Variants in KAZN observed in about 807,000 individuals in gnomAD.
The protein encoded by KAZN is kazrin.
Under a neutral mutation model 87.4 loss-of-function variants are expected in KAZN, and 40 were observed. That is an observed-to-expected ratio of 0.46 (90% CI 0.36 to 0.60). The LOEUF is 0.60. Ranked by LOEUF, KAZN falls within the 20% of genes least tolerant of loss-of-function variation. The pLI is 0.00. For synonymous variants in KAZN, 466 were observed against 458.3 expected (o/e 1.02, Z -0.22); for missense variants, 898 against 1,073.9 (o/e 0.84, Z 2.29).
At chr1:14,681,916 C>T (rs1640684926) in intron 1 of KAZN, among the ~76,000 whole-genome samples, 3 of 151,678 alleles carry the variant, frequency 2.0e-5, no homozygotes, top group Admixed American at 6.6e-5. Context: ...TGGTCTCGAT[C>T]TCCTGACCTC....
intron 2 of KAZN, among the ~76,000 whole-genome samples, chr1:14,519,523 C>T (rs2148461802): frequency 6.6e-6 from 1 of 152,296 alleles, no homozygotes; most frequent in South Asian, 2.1e-4. Context: ...CCCAGTTTTT[C>T]TTACCCCCAG....
rs187820293 is a variant in KAZN, at chr1:13,929,126, C to T, written c.91+35370C>T. Among the ~76,000 whole-genome samples, 7 of 146,210 alleles carry T rather than the reference C, an allele frequency of 4.8e-5. No homozygotes were observed. In the Admixed American group the frequency reaches 4.9e-4, roughly 10 times the overall value. ...CTGGATTGCAGTGGCAGGATCATAG[C>T]TCACTGCAGCCTCGAAATCCTGGGC... On this transcript the variant is annotated intron_variant, in intron 1 of 16. Transcript: ENST00000636203.
chr1:14,862,345 G>A (rs775769434), intron 1 of KAZN, among the ~76,000 whole-genome samples: 4 of 152,124 alleles, frequency 2.6e-5, no homozygotes, highest in Non-Finnish European at 5.9e-5. Flanking sequence ...GCATGGGGGC[G>A]TTGAATCTGA....
chr1:14,275,871 T>C (rs546438414), intron 2 of KAZN, among the ~76,000 whole-genome samples: 64 of 152,338 alleles, frequency 4.2e-4, no homozygotes, highest in Middle Eastern at 3.4e-3. Flanking sequence ...CAGGGGTAAG[T>C]AAGCAAGCTT....
In KAZN at chr1:15,027,070, C is replaced by CTTTTTTTTTTTTTT. The variant is rs71000358; in HGVS notation, c.419-7663_419-7650dup. On this transcript the variant is annotated intron_variant, in intron 2 of 14. Coordinates refer to ENST00000376030, the MANE Select transcript of KAZN (RefSeq NM_201628.3). The stretch of plus-strand genomic sequence containing the variant: ...TAGGCAGATTCCCAAGCCAGTGCTT[C>CTTTTTTTTTTTTTT]TTTTTTTTTTTTTTTTTTTTTTTTT... Among the ~76,000 whole-genome samples the CTTTTTTTTTTTTTT allele has an allele frequency of 7.8e-4, 44 of 56,120 alleles. 7 individuals carry two copies. Among genetic ancestry groups the CTTTTTTTTTTTTTT allele is most frequent in the Middle Eastern group, 0.02 (1 of 50 alleles). The allele number at this position is 56,120 out of a possible 152,430, so 36.8% of individuals were successfully genotyped here. A position where few individuals can be genotyped will look rare whatever the true frequency, so the allele number is the denominator to read the frequency against.
At chr1:14,439,294 T>C (rs1472573680) in intron 2 of KAZN, among the ~76,000 whole-genome samples, 1 of 152,200 alleles carries the variant, frequency 6.6e-6, no homozygotes, top group Non-Finnish European at 1.5e-5. Context: ...CTGTTGGCTC[T>C]GCATTCAAAA....
chr1:14,105,635 A>G (rs114351716), intron 1 of KAZN, among the ~76,000 whole-genome samples: 64 of 152,304 alleles, frequency 4.2e-4, no homozygotes, highest in African/African-American at 1.5e-3. Flanking sequence ...ACAAGCATCT[A>G]CTTGGTTTTC....
chr1:15,048,730 A>ATCGGTCC (rs1673921833), intron 4 of KAZN, among the ~76,000 whole-genome samples: 1 of 98,788 alleles, frequency 1.0e-5, no homozygotes, highest in African/African-American at 3.7e-5. Context: ...GTCGTTGGTC[A>ATCGGTCC]TGGGTCGTCG....
At position 14,998,528 on chromosome 1, in the gene KAZN, T is replaced by C. The variant is rs539416111; in HGVS notation, c.419-36221T>C. Among the ~76,000 whole-genome samples the C allele has an allele frequency of 1.6e-3, 247 of 152,256 alleles. 2 individuals are homozygous for C. Among genetic ancestry groups the C allele is most frequent in the Middle Eastern group, 3.4e-3 (1 of 294 alleles). ...ATACCCTATGATGGAGGTGCTTTTA[T>C]TGACTCCACTTCATTTATTTTTTAT... On this transcript the variant is annotated intron_variant, in intron 2 of 14. Coordinates refer to ENST00000376030, the MANE Select transcript of KAZN (RefSeq NM_201628.3).
intron 1 of KAZN, among the ~76,000 whole-genome samples, chr1:13,948,130 C>T (rs903665718): frequency 6.6e-6 from 1 of 152,128 alleles, no homozygotes; most frequent in Non-Finnish European, 1.5e-5. Context: ...GAACTGATTT[C>T]TTGGTATGGT....
chr1:14,657,867 C>T (rs1419198816), intron 1 of KAZN, among the ~76,000 whole-genome samples: 2 of 152,164 alleles, frequency 1.3e-5, no homozygotes, highest in Non-Finnish European at 2.9e-5. Flanking sequence ...TTGTTAGTCT[C>T]CTGCTCCTAG....
chr1:14,054,329 A>C (rs76912228), intron 1 of KAZN, among the ~76,000 whole-genome samples: 8,082 of 152,240 alleles, frequency 0.053, 587 homozygotes, highest in African/African-American at 0.16. Context: ...GGTCCCTAAA[A>C]CTATCTTGGG....
rs1638276977 is a variant in KAZN, at chr1:15,056,320, G to A, written c.916+40G>A. ...GGCCTGGCTCCACCACGGCTTCGAG[G>A]GGCTTCACAGGAGGCCATCTGACCC... On this transcript the variant is annotated intron_variant, in intron 5 of 14. Coordinates refer to ENST00000376030, the MANE Select transcript of KAZN (RefSeq NM_201628.3). This position sits in a 1 kb window ranked among gnomAD's most constrained non-coding sequence, Gnocchi z 5.4. The A allele has an allele frequency of 5.8e-6, 9 of 1,548,108 alleles. No homozygotes were observed. The highest frequency in any genetic ancestry group is 1.2e-5 in the South Asian group (1 of 84,242).
At chr1:14,287,624 A>G (rs1653355710) in intron 2 of KAZN, among the ~76,000 whole-genome samples, 1 of 152,212 alleles carries the variant, frequency 6.6e-6, no homozygotes, top group African/African-American at 2.4e-5. Flanking sequence ...TGTCATTTGC[A>G]AACAGGGACA....
intron 1 of KAZN, among the ~76,000 whole-genome samples, chr1:14,764,371 G>GCCC (rs1644827685): frequency 5.0e-5 from 5 of 99,774 alleles, no homozygotes; most frequent in Non-Finnish European, 1.1e-4. Flanking sequence ...AACCACTCCC[G>GCCC]ACCCCCTCCC....
At chr1:14,003,378 T>G (rs960690713) in intron 1 of KAZN, among the ~76,000 whole-genome samples, 2 of 149,214 alleles carry the variant, frequency 1.3e-5, no homozygotes, top group African/African-American at 4.9e-5. Context: ...AAAATGTATG[T>G]GGAAATGCAA....
intron 1 of KAZN, among the ~76,000 whole-genome samples, chr1:14,170,394 T>A (rs1180816529): frequency 6.6e-6 from 1 of 151,414 alleles, no homozygotes; most frequent in Non-Finnish European, 1.5e-5. Flanking sequence ...AAAAAATAGG[T>A]CTGGCTTTGC....
At chr1:14,138,662 C>T (rs948920647) in intron 1 of KAZN, among the ~76,000 whole-genome samples, 10 of 152,208 alleles carry the variant, frequency 6.6e-5, no homozygotes, top group African/African-American at 1.9e-4. Flanking sequence ...TGGCGTACAT[C>T]GCAGAGCCCA....
chr1:14,515,478 A>G (rs1671252276), intron 2 of KAZN, among the ~76,000 whole-genome samples: 1 of 152,220 alleles, frequency 6.6e-6, no homozygotes, highest in African/African-American at 2.4e-5. Context: ...ACAGGCCCAT[A>G]AACAAAGCAC....
Sources: allele counts gnomAD v4.1 joint callset (sites outside exome capture counted in the v4.1 genomes callset), GRCh38; gene constraint gnomAD v4.1.1; non-coding constraint Gnocchi (gnomAD v3.1); transcripts MANE v1.5; gene names NCBI Gene and HGNC (gene_info 2026-07-23, HGNC 2026-07-21).